The following SCGN variants were observed in gnomAD, a reference collection of about 807,000 sequenced individuals.
The protein encoded by SCGN is secretagogin, EF-hand calcium binding protein.
A neutral mutation model predicts 39.7 loss-of-function variants in SCGN; 30 were observed. The observed-to-expected ratio is 0.76, with a 90% CI of 0.57 to 1.03. SCGN has a LOEUF of 1.03. Among genes scored for constraint, SCGN ranks in the 50% least tolerant of loss-of-function variants. SCGN has a pLI of 0.00. For synonymous variants in SCGN, 106 were observed against 114.1 expected (o/e 0.93, Z 0.45); for missense variants, 353 against 349.4 (o/e 1.01, Z -0.08).
chr6:25,664,615 G>A (rs1476824126), intron 3 of SCGN, among the ~76,000 whole-genome samples: 2 of 152,158 alleles, frequency 1.3e-5, no homozygotes, highest in Non-Finnish European at 2.9e-5. Context: ...AGTATTGGAA[G>A]TTCTTAGAAT....
chr6:25,656,636 A>G (rs187850964), intron 2 of SCGN, among the ~76,000 whole-genome samples: 2 of 152,204 alleles, frequency 1.3e-5, no homozygotes, highest in Admixed American at 1.3e-4. Context: ...TTCAGGGATT[A>G]TAGTACCCTG....
intron 10 of SCGN, 123 bp from the exon 11 acceptor site, chr6:25,701,084 C>T (rs1759905710): frequency 9.6e-7 from 1 of 1,042,506 alleles, no homozygotes; most frequent in Admixed American, 3.1e-5. Context: ...CTCATTCCCT[C>T]ACTCCCTGTG....
At chr6:25,670,873 T>C (rs1759488883) in intron 6 of SCGN, among the ~76,000 whole-genome samples, 2 of 152,346 alleles carry the variant, frequency 1.3e-5, no homozygotes, top group African/African-American at 4.8e-5. Context: ...ATGATTTGTA[T>C]TGAACTGCAT....
chr6:25,676,860 T>C (rs1759569637), intron 6 of SCGN, among the ~76,000 whole-genome samples: 1 of 152,216 alleles, frequency 6.6e-6, no homozygotes. Context: ...GCCTGCCACA[T>C]AGTAGGCACT....
At chr6:25,678,626 G>A (rs917780284) in intron 6 of SCGN, 1 of 152,244 alleles carries the variant, frequency 6.6e-6, no homozygotes, top group African/African-American at 2.4e-5. Flanking sequence ...GGTATGCCTG[G>A]TGTTCTGTAG....
At chr6:25,693,285 A>C (rs566717839) in intron 10 of SCGN, among the ~76,000 whole-genome samples, 10 of 151,872 alleles carry the variant, frequency 6.6e-5, no homozygotes, top group Non-Finnish European at 1.3e-4. Flanking sequence ...CCCCATCTCT[A>C]CTAAAAATAC....
intron 7 of SCGN, among the ~76,000 whole-genome samples, chr6:25,685,851 C>T (rs1759700022): frequency 6.6e-6 from 1 of 152,106 alleles, no homozygotes; most frequent in South Asian, 2.1e-4. Flanking sequence ...AATTTTAGAA[C>T]ATTTCATTAT....
Position 25,689,499 on chromosome 6 carries a change from G to A in SCGN, c.600G>A (p.Arg200=). The change falls in exon 9 of 11, where the codon AGG becomes AGA. Residue 200 remains arginine (R), a synonymous_variant. Transcript: ENST00000377961. ...MDACSTEERK[R]DFEKIFAYYD... ...CTTGTTCTACTGAAGAAAGGAAAAG[G>A]GACTTTGAGAAAATCTTTGCCTACT... 6.2e-7 allele frequency: 1 copy of A among 1,613,846 alleles called. No homozygotes were observed. The highest frequency in any genetic ancestry group is 8.5e-7 in the Non-Finnish European group (1 of 1,179,800).
At chr6:25,672,477 G>A (rs1582578920) in intron 6 of SCGN, among the ~76,000 whole-genome samples, 1 of 152,184 alleles carries the variant, frequency 6.6e-6, no homozygotes, top group East Asian at 1.9e-4. Context: ...TTTTCAATAA[G>A]ATGGTCAGGG....
At chr6:25,701,163 C>T (rs1437732280) in intron 10 of SCGN, 44 bp from the exon 11 acceptor site, 1 of 1,577,908 alleles carries the variant, frequency 6.3e-7, no homozygotes, top group South Asian at 1.2e-5. Flanking sequence ...AGGGTGAGAA[C>T]ACCATTGGCT....
intron 9 of SCGN, 92 bp downstream of exon 9, chr6:25,689,624 A>C: frequency 2.0e-6 from 2 of 1,009,970 alleles, no homozygotes; most frequent in South Asian, 2.8e-5. Flanking sequence ...CAGACCCTAA[A>C]CTTACATGAT....
At chr6:25,673,035 G>C (rs1164037472) in intron 6 of SCGN, among the ~76,000 whole-genome samples, 1 of 152,098 alleles carries the variant, frequency 6.6e-6, no homozygotes, top group Non-Finnish European at 1.5e-5. Flanking sequence ...CATGGGACCT[G>C]ACAAGTAGTA....
Position 25,691,108 on chromosome 6 carries a change from T to G in SCGN, c.686T>G (p.Met229Arg). The G allele has an allele frequency of 6.2e-7, 1 of 1,613,362 alleles. No homozygotes were observed. The highest frequency in any genetic ancestry group is 1.1e-5 in the South Asian group (1 of 91,044). ...GAAGTGGATGGGTTTGTCAAAGACA[T>G]GATGGAGCTTGTCCAGGTGAGTGCA... is the stretch of plus-strand genomic sequence containing the variant. ...GPEVDGFVKD[M>R]MELVQPSISG... The change falls in exon 10 of 11, where the codon ATG becomes AGG. Residue 229 changes from methionine (M) to arginine (R), a missense_variant. Met to Arg is a moderately conservative substitution (Grantham distance 91). Transcript: ENST00000377961.
intron 10 of SCGN, among the ~76,000 whole-genome samples, chr6:25,700,241 CA>C (rs34079471): frequency 1.2e-4 from 12 of 100,836 alleles, no homozygotes; most frequent in African/African-American, 3.2e-4. Flanking sequence ...GACTTCGTCT[CA>C]AAAAAAAAAA....
At chr6:25,692,661 A>G (rs1161656038) in intron 10 of SCGN, among the ~76,000 whole-genome samples, 2 of 152,210 alleles carry the variant, frequency 1.3e-5, no homozygotes, top group Non-Finnish European at 2.9e-5. Context: ...TGCTGACAAC[A>G]GTCTTGTGGC....
At position 25,687,685 on chromosome 6, in the gene SCGN, G is replaced by A. The variant is rs139815891; in HGVS notation, c.528-1487G>A. Among the ~76,000 whole-genome samples the A allele has an allele frequency of 3.0e-3, 453 of 152,128 alleles. 2 individuals carry two copies. The highest frequency in any genetic ancestry group is 0.017 in the Middle Eastern group (5 of 294). On this transcript the variant is annotated intron_variant, in intron 7 of 10. Transcript: ENST00000377961. ...CTGCTTTTAATGGAGTATTTAATAT[G>A]TGTATATTTAACGTGATTACTGAGA...
chr6:25,665,396 G>T (rs1197847213), intron 4 of SCGN, among the ~76,000 whole-genome samples: 5 of 152,140 alleles, frequency 3.3e-5, no homozygotes, highest in African/African-American at 1.2e-4. Context: ...TCAGCCTTTT[G>T]AGAATGCTAT....
At chr6:25,685,431 T>A (rs971350593) in intron 7 of SCGN, among the ~76,000 whole-genome samples, 1 of 152,200 alleles carries the variant, frequency 6.6e-6, no homozygotes, top group African/African-American at 2.4e-5. Flanking sequence ...GGCTGCCTGG[T>A]GCCTGCAAAT....
chr6:25,697,731 A>C (rs1380232922), intron 10 of SCGN, among the ~76,000 whole-genome samples: 4 of 152,234 alleles, frequency 2.6e-5, no homozygotes, highest in Non-Finnish European at 5.9e-5. Flanking sequence ...AAAGGGAGAC[A>C]GGTCAGCATT....
Sources: gnomAD v4.1 joint callset for allele counts (sites outside exome capture counted in the v4.1 genomes callset) on GRCh38, gnomAD v4.1.1 for gene constraint, MANE v1.5 for transcripts, NCBI Gene and HGNC (gene_info 2026-07-23, HGNC 2026-07-21) for gene names.